Variants in DPAGT1 observed in about 807,000 individuals in gnomAD.
The protein encoded by DPAGT1 is dolichyl-phosphate N-acetylglucosaminephosphotransferase 1, also known as UDP-N-acetylglucosamine--dolichyl-phosphate N-acetylglucosaminephosphotransferase.
DPAGT1 carries 25 observed loss-of-function variants against 39.3 expected under a neutral mutation model. That is an observed-to-expected ratio of 0.64 (90% CI 0.46 to 0.89). The LOEUF (loss-of-function observed/expected upper bound fraction) is 0.89. Among genes scored for constraint, DPAGT1 ranks in the 40% least tolerant of loss-of-function variants. The probability of loss-of-function intolerance (pLI) is 0.00; values close to 1 mark genes in which losing one functional copy is unlikely to be tolerated. For missense variants in DPAGT1, 381 were observed against 500.6 expected (o/e 0.76, Z 2.28); for synonymous variants, 193 against 201.4 (o/e 0.96, Z 0.36).
At chr11:119,100,899 A>G (rs773465499) in intron 2 of DPAGT1, 56 bp from the exon 3 acceptor site, 8 of 1,613,924 alleles carry the variant, frequency 5.0e-6, no homozygotes, top group South Asian at 1.1e-5. Context: ...CCACCTTTTA[A>G]GAATTCCTGT....
chr11:119,095,389 C>G (rs768230455), downstream of DPAGT1: 6 of 1,558,014 alleles, frequency 3.9e-6, no homozygotes, highest in South Asian at 7.3e-5. Flanking sequence ...TGCCGCGGCC[C>G]GACATGCTAG....
rs552234070 is a variant in DPAGT1, at chr11:119,096,785, G to A, written c.*213C>T. 1.6e-6 allele frequency: 1 copy of A among 629,324 alleles called. No homozygotes were observed. Among genetic ancestry groups the A allele is most frequent in the African/African-American group, 1.8e-5 (1 of 54,586 alleles). The allele number at this position is 629,324 out of a possible 1,614,324, so 39.0% of individuals were successfully genotyped here. A position where few individuals can be genotyped will look rare whatever the true frequency, so the allele number is the denominator to read the frequency against. ...GGGAGAGAGTAGCAAGTTGCAGAAAGCCATAGGTAAAATCCAATCAGTAGT... is the reference window on the plus strand; with the variant it reads ...GGGAGAGAGTAGCAAGTTGCAGAAAACCATAGGTAAAATCCAATCAGTAGT... On this transcript the variant is annotated 3_prime_UTR_variant, in exon 9 of 9. Transcript: ENST00000354202.
At chr11:119,101,301 C>T (rs1946501189) in intron 1 of DPAGT1, 163 bp from the exon 2 acceptor site, 1 of 1,359,838 alleles carries the variant, frequency 7.4e-7, no homozygotes, top group South Asian at 1.2e-5. Context: ...GCCAGAGTCC[C>T]AGATATACCC....
intron 3 of DPAGT1, 48 bp downstream of exon 3, chr11:119,100,582 G>A: frequency 1.2e-6 from 2 of 1,610,362 alleles, no homozygotes; most frequent in Non-Finnish European, 1.7e-6. Flanking sequence ...ACCAGGAAGG[G>A]TTCCCTGAAG....
downstream of DPAGT1, chr11:119,095,121 C>A: frequency 6.2e-7 from 1 of 1,614,020 alleles, no homozygotes; most frequent in Non-Finnish European, 8.5e-7. Flanking sequence ...TTGAGCTCCT[C>A]GTCGTTGCGG....
At chr11:119,094,737 G>A, downstream of DPAGT1, 3 of 504,154 alleles carry the variant, frequency 6.0e-6, no homozygotes, top group Non-Finnish European at 3.4e-6. Context: ...ACAGGGCAGG[G>A]CCCGAGGCCG....
At chr11:119,094,940 G>A, downstream of DPAGT1, 1 of 1,581,742 alleles carries the variant, frequency 6.3e-7, no homozygotes, top group Non-Finnish European at 8.6e-7. Context: ...GAGGCCTGGC[G>A]GCCGGCCGCG....
At chr11:119,099,780 C>CAAAAAAAA (rs57486910) in intron 4 of DPAGT1, among the ~76,000 whole-genome samples, 2 of 75,796 alleles carry the variant, frequency 2.6e-5, no homozygotes, top group Admixed American at 1.5e-4. Flanking sequence ...GACCCTGTCT[C>CAAAAAAAA]AAAAAAAAAA....
At chr11:119,095,468 C>A, downstream of DPAGT1, 4 of 1,427,834 alleles carry the variant, frequency 2.8e-6, no homozygotes, top group South Asian at 2.9e-5. Flanking sequence ...TAACTGCTGT[C>A]GCGCGCGCGC....
chr11:119,098,567 T>G, intron 4 of DPAGT1, 80 bp from the exon 5 acceptor site: 1 of 1,385,260 alleles, frequency 7.2e-7, no homozygotes, highest in Non-Finnish European at 1.0e-6. Flanking sequence ...GTCTAAGTTC[T>G]GTTTACAGCT....
At chr11:119,101,257 G>A (rs1279505664) in intron 1 of DPAGT1, 119 bp from the exon 2 acceptor site, 8 of 1,461,262 alleles carry the variant, frequency 5.5e-6, no homozygotes, top group Non-Finnish European at 7.5e-6. Context: ...ATTCTGGTAA[G>A]TGGTGAGGGG....
At position 119,097,296 on chromosome 11, in the gene DPAGT1, A is replaced by G. The variant is rs1555207196; in HGVS notation, c.1007T>C (p.Val336Ala). 1 of 1,614,192 alleles carries G rather than the reference A, an allele frequency of 6.2e-7. No individual in the cohort carries two copies. ...LSFLGTFILKVAESLQLVTVH... is the reference protein window; with the variant it reads ...LSFLGTFILKAAESLQLVTVH... ...TGTCACCAGCTGGAGGCTCTCTGCC[A>G]CCTGGAGGGACCAGAGGTGAAGAGA... Residue 336 changes from valine to alanine, a missense_variant and splice_region_variant, in exon 8 of 9, where the codon GTG becomes GCG. Transcript: ENST00000354202. This position sits in a 1 kb window ranked among gnomAD's most constrained non-coding sequence, Gnocchi z 4.6.
chr11:119,100,412 C>T lies in DPAGT1; in HGVS notation c.497-4G>A, dbSNP rs771175893. 1.5e-5 allele frequency: 24 copies of T among 1,613,870 alleles called. No individual in the cohort carries two copies. The highest frequency in any genetic ancestry group is 9.4e-5 in the African/African-American group (7 of 74,842). ...ATGTAGACATAGTACAGGATTCCTG[C>T]GGGGAGAGATGGTAGGAAAAGAAGT... On this transcript the variant is annotated splice_region_variant and splice_polypyrimidine_tract_variant and intron_variant, in intron 3 of 8. Transcript: ENST00000354202.
chr11:119,099,469 A>G (rs1946455847), intron 4 of DPAGT1, among the ~76,000 whole-genome samples: 1 of 151,472 alleles, frequency 6.6e-6, no homozygotes, highest in East Asian at 1.9e-4. Flanking sequence ...GAGTAATTCT[A>G]TGATCAAGCA....
chr11:119,095,128 G>A (rs1351032146), downstream of DPAGT1: 3 of 1,614,038 alleles, frequency 1.9e-6, no homozygotes, highest in South Asian at 3.3e-5. Context: ...CCTCGTCGTT[G>A]CGGATGGCCA....
chr11:119,095,661 G>A (rs1302555936), downstream of DPAGT1, among the ~76,000 whole-genome samples: 1 of 152,200 alleles, frequency 6.6e-6, no homozygotes, highest in African/African-American at 2.4e-5. Context: ...AGGCGAGGAG[G>A]AGGGGTAGCA....
chr11:119,098,638 A>G, intron 4 of DPAGT1, 151 bp from the exon 5 acceptor site: 1 of 770,700 alleles, frequency 1.3e-6, no homozygotes, highest in East Asian at 2.7e-5. Flanking sequence ...ATGTCACCCA[A>G]GGCAATTCCC....
At chr11:119,099,796 AAAAAAAAAAAG>A (rs1444153313) in intron 4 of DPAGT1, among the ~76,000 whole-genome samples, 3 of 151,714 alleles carry the variant, frequency 2.0e-5, no homozygotes, top group Non-Finnish European at 2.9e-5. Context: ...AAAAAAAAAA[AAAAAAAAAAAG>A]AAGTGGTAGG....
chr11:119,094,940 G>T (rs1453340237), downstream of DPAGT1: 1 of 1,581,742 alleles, frequency 6.3e-7, no homozygotes. Flanking sequence ...GAGGCCTGGC[G>T]GCCGGCCGCG....
Sources: allele counts gnomAD v4.1 joint callset (sites outside exome capture counted in the v4.1 genomes callset), GRCh38; gene constraint gnomAD v4.1.1; non-coding constraint Gnocchi (gnomAD v3.1); transcripts MANE v1.5; gene names NCBI Gene and HGNC (gene_info 2026-07-23, HGNC 2026-07-21).